The following ZSCAN5B variants were observed in gnomAD, a reference collection of about 807,000 sequenced individuals.
The protein encoded by ZSCAN5B is zinc finger and SCAN domain-containing protein 5B.
In ZSCAN5B, 26 loss-of-function variants were observed where a neutral mutation model predicts 25.2. The ratio of observed to expected loss-of-function variants is 1.03; its 90% CI spans 0.76 to 1.43. The LOEUF (loss-of-function observed/expected upper bound fraction) is 1.43. Among genes scored for constraint, ZSCAN5B ranks in the 40% most tolerant of loss-of-function variants. ZSCAN5B has a pLI of 0.00. For synonymous variants in ZSCAN5B, 244 were observed against 240.9 expected, an observed-to-expected ratio of 1.01 and a Z score of -0.12; for missense variants, 745 against 622.1, an observed-to-expected ratio of 1.20 and a Z score of -2.10.
intron 3 of ZSCAN5B, 92 bp downstream of exon 3, chr19:56,191,758 G>A: frequency 7.5e-7 from 1 of 1,336,742 alleles, no homozygotes; most frequent in Non-Finnish European, 1.0e-6. Flanking sequence ...ATCTTGTCCT[G>A]TGCCAAATCT....
At chr19:56,190,192 T>G in exon 5 of ZSCAN5B, 2 of 1,614,056 alleles carry the variant, frequency 1.2e-6, no homozygotes, top group Non-Finnish European at 1.7e-6. Flanking sequence ...GTGTGTGACC[T>G]CCTGTGGATG....
chr19:56,190,185 T>G (rs1165544566), exon 5 of ZSCAN5B: 3 of 1,614,076 alleles, frequency 1.9e-6, no homozygotes, highest in East Asian at 2.2e-5. Flanking sequence ...GTCTCCTGTG[T>G]GTGACCTCCT....
chr19:56,192,242 A>G (rs1001417030), intron 2 of ZSCAN5B, among the ~76,000 whole-genome samples, 189 bp from the exon 3 acceptor site: 2 of 152,178 alleles, frequency 1.3e-5, no homozygotes, highest in Non-Finnish European at 2.9e-5. Flanking sequence ...GTACATAAAT[A>G]TGAGTCATTT....
chr19:56,189,699 T>A, exon 5 of ZSCAN5B: 1 of 1,158,900 alleles, frequency 8.6e-7, no homozygotes, highest in Non-Finnish European at 1.2e-6. Flanking sequence ...TGGGGGAGGA[T>A]AAATATTTAT....
At chr19:56,189,910 A>T (rs1568583009) in exon 5 of ZSCAN5B, 4 of 1,613,884 alleles carry the variant, frequency 2.5e-6, no homozygotes, top group Non-Finnish European at 3.4e-6. Context: ...CAGGTGGGAC[A>T]TTTGTAGGGC....
At chr19:56,191,256 G>C (rs1166411985) in intron 3 of ZSCAN5B, among the ~76,000 whole-genome samples, 2 of 152,266 alleles carry the variant, frequency 1.3e-5, no homozygotes, top group East Asian at 3.9e-4. Context: ...GACGCTGGAA[G>C]AAGCATGACT....
At chr19:56,192,190 T>C in intron 2 of ZSCAN5B, 137 bp from the exon 3 acceptor site, 1 of 843,258 alleles carries the variant, frequency 1.2e-6, no homozygotes, top group South Asian at 1.8e-5. Context: ...ATCAGCTCTG[T>C]GGACACAGCA....
intron 1 of ZSCAN5B, among the ~76,000 whole-genome samples, chr19:56,197,453 G>A (rs1252462921): frequency 6.6e-6 from 1 of 152,104 alleles, no homozygotes. Context: ...GGTCAGACTG[G>A]TCTTGAACTC....
intron 1 of ZSCAN5B, among the ~76,000 whole-genome samples, chr19:56,196,262 G>C (rs569406999): frequency 6.6e-6 from 1 of 152,006 alleles, no homozygotes; most frequent in Non-Finnish European, 1.5e-5. Context: ...ATGTAGGCCA[G>C]GCTGGTCTCA....
At chr19:56,191,207 G>A (rs1412846414) in intron 3 of ZSCAN5B, among the ~76,000 whole-genome samples, 2 of 152,070 alleles carry the variant, frequency 1.3e-5, no homozygotes, top group African/African-American at 2.4e-5. Flanking sequence ...GGTTCTCTGA[G>A]AATATTTCTC....
exon 3 of ZSCAN5B, chr19:56,191,898 G>A: frequency 1.2e-6 from 2 of 1,613,952 alleles, no homozygotes; most frequent in Admixed American, 1.7e-5. Flanking sequence ...GCTGCTCTCG[G>A]CGGGCCTGGC....
intron 1 of ZSCAN5B, among the ~76,000 whole-genome samples, chr19:56,197,492 T>G (rs986265388): frequency 6.6e-6 from 1 of 152,146 alleles, no homozygotes; most frequent in African/African-American, 2.4e-5. Context: ...CACCTCGGCC[T>G]CCAGAGTAGC....
chr19:56,190,273 C>G, exon 5 of ZSCAN5B: 1 of 1,614,212 alleles, frequency 6.2e-7, no homozygotes, highest in East Asian at 2.2e-5. Flanking sequence ...GCCTTGGCTT[C>G]TTGGCCATCT....
At position 56,195,259 on chromosome 19, in the gene ZSCAN5B, G is replaced by C. The variant is rs562147522; in HGVS notation, c.-127-2080C>G. ...ACACCACACATCTCACAGGGCTCCTGTGCAAAACATAAGCAACTCAAACTC... is the reference window on the plus strand; with the variant it reads ...ACACCACACATCTCACAGGGCTCCTCTGCAAAACATAAGCAACTCAAACTC... On this transcript the variant is annotated intron_variant, in intron 1 of 4. Coordinates refer to ENST00000586855, the Ensembl canonical transcript of ZSCAN5B. Among the ~76,000 whole-genome samples, 30 of 152,174 alleles carry C rather than the reference G, an allele frequency of 2.0e-4. No individual in the cohort carries two copies. In the East Asian group the frequency reaches 5.2e-3, roughly 26 times the overall value.
chr19:56,196,318 C>CT (rs1020194623), intron 1 of ZSCAN5B, among the ~76,000 whole-genome samples: 4 of 152,202 alleles, frequency 2.6e-5, no homozygotes, highest in Admixed American at 1.3e-4. Flanking sequence ...TCCCAGAGTG[C>CT]TGGGATTACA....
chr19:56,196,695 C>G (rs944795747), intron 1 of ZSCAN5B, among the ~76,000 whole-genome samples: 1 of 152,222 alleles, frequency 6.6e-6, no homozygotes, highest in Admixed American at 6.5e-5. Flanking sequence ...AGGATCACTT[C>G]AGCCCAGCAG....
intron 2 of ZSCAN5B, among the ~76,000 whole-genome samples, 170 bp from the exon 3 acceptor site, chr19:56,192,223 A>C (rs2032746749): frequency 6.6e-6 from 1 of 152,082 alleles, no homozygotes; most frequent in Non-Finnish European, 1.5e-5. Flanking sequence ...TTTTTTCTTC[A>C]CTAGATAAGT....
chr19:56,192,685 C>T, exon 2 of ZSCAN5B: 4 of 1,591,648 alleles, frequency 2.5e-6, no homozygotes, highest in South Asian at 2.3e-5. Context: ...CTTGGGTCTT[C>T]TGTTATTTCG....
exon 3 of ZSCAN5B, chr19:56,192,052 G>A (rs1341260803): frequency 6.2e-7 from 1 of 1,609,364 alleles, no homozygotes; most frequent in Non-Finnish European, 8.5e-7. Flanking sequence ...GTTGACTATA[G>A]ACTGTAGAGA....
Sources: allele counts gnomAD v4.1 joint callset (sites outside exome capture counted in the v4.1 genomes callset), GRCh38; gene constraint gnomAD v4.1.1; transcripts MANE v1.5; gene names NCBI Gene and HGNC (gene_info 2026-07-23, HGNC 2026-07-21).